RASGRP1: variants seen among roughly 807,000 people sequenced by gnomAD.
RASGRP1 encodes the protein RAS guanyl releasing protein 1.
Under a neutral mutation model 95.1 loss-of-function variants are expected in RASGRP1, and 37 were observed. That is an observed-to-expected ratio of 0.39 (90% CI 0.30 to 0.51). The LOEUF (loss-of-function observed/expected upper bound fraction) is 0.51, where lower values mean the gene tolerates loss of function less well. RASGRP1 is among the 20% of genes least tolerant of loss of function. RASGRP1 has a pLI of 0.80. For synonymous variants in RASGRP1, 325 were observed against 353.4 expected, an observed-to-expected ratio of 0.92 and a Z score of 0.90; for missense variants, 711 against 965.4, an observed-to-expected ratio of 0.74 and a Z score of 3.49.
At chr15:38,535,284 T>G (rs932942088) in intron 2 of RASGRP1, among the ~76,000 whole-genome samples, 18 of 152,108 alleles carry the variant, frequency 1.2e-4, no homozygotes, top group African/African-American at 4.1e-4. Context: ...AGGAATATAC[T>G]TGGAAGAGCT....
chr15:38,497,898 C>T (rs921883862), intron 15 of RASGRP1, among the ~76,000 whole-genome samples: 1 of 152,240 alleles, frequency 6.6e-6, no homozygotes, highest in Admixed American at 6.5e-5. Flanking sequence ...AATCTGCAAG[C>T]TCCACTTGAG....
At chr15:38,554,671 G>T (rs532448273) in intron 2 of RASGRP1, among the ~76,000 whole-genome samples, 1 of 152,300 alleles carries the variant, frequency 6.6e-6, no homozygotes, top group East Asian at 1.9e-4. Context: ...TGCAGCAAAG[G>T]CCTCCTTGGA....
intron 2 of RASGRP1, 68 bp from the exon 3 acceptor site, chr15:38,526,472 C>A: frequency 8.3e-7 from 1 of 1,209,682 alleles, no homozygotes; most frequent in Non-Finnish European, 1.2e-6. Context: ...TAGACACCTG[C>A]AAACCCTCTG....
chr15:38,544,634 G>A (rs190531335), intron 2 of RASGRP1, among the ~76,000 whole-genome samples: 3 of 152,148 alleles, frequency 2.0e-5, no homozygotes, highest in Non-Finnish European at 4.4e-5. Flanking sequence ...ACAAGATGTG[G>A]TCCCTTCATT....
chr15:38,530,477 T>G (rs1892391210), intron 2 of RASGRP1, among the ~76,000 whole-genome samples: 1 of 152,220 alleles, frequency 6.6e-6, no homozygotes, highest in African/African-American at 2.4e-5. Context: ...AAGGGGTGGC[T>G]TTTCAATGCA....
intron 2 of RASGRP1, among the ~76,000 whole-genome samples, chr15:38,528,007 C>T (rs1892294522): frequency 6.6e-6 from 1 of 152,064 alleles, no homozygotes; most frequent in South Asian, 2.1e-4. Flanking sequence ...TATATGTAAA[C>T]TGACAGTGTC....
At chr15:38,522,375 C>A (rs1595855314) in intron 3 of RASGRP1, among the ~76,000 whole-genome samples, 1 of 152,174 alleles carries the variant, frequency 6.6e-6, no homozygotes, top group Admixed American at 6.5e-5. Context: ...GACCAGAGTA[C>A]ATAGGCACTA....
At chr15:38,521,493 TG>T (rs1032394267) in intron 3 of RASGRP1, among the ~76,000 whole-genome samples, 1 of 152,168 alleles carries the variant, frequency 6.6e-6, no homozygotes, top group African/African-American at 2.4e-5. Flanking sequence ...GTGCTGAGCC[TG>T]GGCATCATTC....
At position 38,547,933 on chromosome 15, in the gene RASGRP1, T is replaced by G. The variant is rs79919330; in HGVS notation, c.220+11888A>C. On this transcript the variant is annotated intron_variant, in intron 2 of 16. Transcript: ENST00000310803. ...ATTCTCTTACTTACTCAACTCCAACTCCCGCCTCTGACAGTAGCATTAAAG... is the reference window on the plus strand; with the variant it reads ...ATTCTCTTACTTACTCAACTCCAACGCCCGCCTCTGACAGTAGCATTAAAG... Among the ~76,000 whole-genome samples, 9 of 151,606 alleles carry G rather than the reference T, an allele frequency of 5.9e-5. No individual in the cohort carries two copies. The East Asian group carries it at 1.6e-3, about 26-fold the overall frequency.
intron 2 of RASGRP1, among the ~76,000 whole-genome samples, chr15:38,545,955 T>A (rs1361492561): frequency 6.6e-6 from 1 of 152,218 alleles, no homozygotes; most frequent in East Asian, 1.9e-4. Context: ...CATGGGAAAA[T>A]TTAAATTATA....
chr15:38,542,853 A>G (rs899343140), intron 2 of RASGRP1, among the ~76,000 whole-genome samples: 18 of 120,248 alleles, frequency 1.5e-4, no homozygotes, highest in South Asian at 5.4e-4. Flanking sequence ...ATATATGTGT[A>G]TATATATACA....
chr15:38,492,620 TTAACG>T (rs1890633655), intron 16 of RASGRP1, among the ~76,000 whole-genome samples: 2 of 152,194 alleles, frequency 1.3e-5, no homozygotes, highest in South Asian at 4.1e-4. Flanking sequence ...AGTGTTGATA[TTAACG>T]TATCCTTGCT....
chr15:38,550,112 G>A (rs935716219), intron 2 of RASGRP1, among the ~76,000 whole-genome samples: 2 of 151,554 alleles, frequency 1.3e-5, no homozygotes, highest in Non-Finnish European at 2.9e-5. Context: ...AGAAAAATTA[G>A]CTGGCTCTGG....
chr15:38,542,875 A>G (rs1009122116), intron 2 of RASGRP1, among the ~76,000 whole-genome samples: 7 of 141,532 alleles, frequency 4.9e-5, no homozygotes, highest in Non-Finnish European at 1.1e-4. Context: ...ATATATGTGT[A>G]TATATATACA....
intron 11 of RASGRP1, among the ~76,000 whole-genome samples, 192 bp from the exon 12 acceptor site, chr15:38,502,613 C>T (rs531882759): frequency 3.7e-4 from 56 of 152,172 alleles, no homozygotes; most frequent in Non-Finnish European, 6.8e-4. Context: ...CTGGTAGCAG[C>T]ATGTGGGGGG....
At chr15:38,534,131 C>T (rs1287913263) in intron 2 of RASGRP1, 7 of 152,292 alleles carry the variant, frequency 4.6e-5, no homozygotes, top group African/African-American at 1.2e-4. Context: ...ATCTCATGCC[C>T]TCTGGGCCTT....
At chr15:38,557,592 T>C (rs1031844431) in intron 2 of RASGRP1, among the ~76,000 whole-genome samples, 21 of 146,266 alleles carry the variant, frequency 1.4e-4, no homozygotes, top group Admixed American at 1.4e-3. Flanking sequence ...CCCTGTCCTT[T>C]GTATATATAT....
chr15:38,499,473 C>T (rs1383467034), intron 14 of RASGRP1, among the ~76,000 whole-genome samples: 1 of 152,180 alleles, frequency 6.6e-6, no homozygotes, highest in African/African-American at 2.4e-5. Context: ...CATCTCCTAC[C>T]TGCTATCCCT....
chr15:38,564,576 A>G lies in RASGRP1; in HGVS notation c.35+18T>C. 1 of 1,371,096 alleles carries G rather than the reference A, an allele frequency of 7.3e-7. No homozygotes were observed. The allele number at this position is 1,371,096 out of a possible 1,614,324, so 84.9% of individuals were successfully genotyped here. A position where few individuals can be genotyped will look rare whatever the true frequency, so the allele number is the denominator to read the frequency against. ...AAGGACACAGGCGCTCCCGAGGGCC[A>G]CGGCCGCCTCTACTCACCGCGGAGC... On this transcript the variant is annotated intron_variant, in intron 1 of 16. Transcript: ENST00000310803.
Sources: allele counts gnomAD v4.1 joint callset (sites outside exome capture counted in the v4.1 genomes callset), GRCh38; gene constraint gnomAD v4.1.1; transcripts MANE v1.5; gene names NCBI Gene and HGNC (gene_info 2026-07-23, HGNC 2026-07-21).